CNTNAP2: variants seen among roughly 807,000 people sequenced by gnomAD.
CNTNAP2 encodes the protein contactin associated protein 2, also known as contactin-associated protein-like 2.
Under a neutral mutation model 155.2 loss-of-function variants are expected in CNTNAP2, and 98 were observed. The observed-to-expected ratio is 0.63, with a 90% confidence interval of 0.54 to 0.75. CNTNAP2 has a LOEUF of 0.75. Among genes scored for constraint, CNTNAP2 ranks in the 30% least tolerant of loss-of-function variants. CNTNAP2 has a pLI of 0.00. For synonymous variants in CNTNAP2, 651 were observed against 631.2 expected, an observed-to-expected ratio of 1.03 and a Z score of -0.47; for missense variants, 1,727 against 1,688.1, an observed-to-expected ratio of 1.02 and a Z score of -0.40.
At chr7:147,507,051 G>A (rs1303765066) in intron 11 of CNTNAP2, among the ~76,000 whole-genome samples, 1 of 152,242 alleles carries the variant, frequency 6.6e-6, no homozygotes, top group South Asian at 2.1e-4. Flanking sequence ...TGAAGTGGAT[G>A]TTCATGATCA....
chr7:146,665,013 A>G (rs1800165616), intron 1 of CNTNAP2, among the ~76,000 whole-genome samples: 1 of 152,122 alleles, frequency 6.6e-6, no homozygotes, highest in South Asian at 2.1e-4. Flanking sequence ...CAGTGGTCAG[A>G]TGTTGGCTCA....
intron 14 of CNTNAP2, among the ~76,000 whole-genome samples, chr7:147,936,157 A>G (rs1195926069): frequency 1.3e-5 from 2 of 152,352 alleles, no homozygotes; most frequent in East Asian, 1.9e-4. Context: ...GAGAACCTCT[A>G]TATTAGCAAC....
At chr7:147,093,146 CAGG>C (rs1443921030) in intron 4 of CNTNAP2, among the ~76,000 whole-genome samples, 1 of 147,040 alleles carries the variant, frequency 6.8e-6, no homozygotes, top group Non-Finnish European at 1.5e-5. Context: ...GAGGCTGAGG[CAGG>C]AGAATGGCGT....
chr7:147,644,782 A>G (rs532180220), intron 13 of CNTNAP2, among the ~76,000 whole-genome samples: 1 of 152,328 alleles, frequency 6.6e-6, no homozygotes, highest in African/African-American at 2.4e-5. Flanking sequence ...TGCTGCCATT[A>G]AAATGTTTAT....
chr7:146,666,672 C>A (rs995751459), intron 1 of CNTNAP2, among the ~76,000 whole-genome samples: 3 of 152,094 alleles, frequency 2.0e-5, no homozygotes, highest in African/African-American at 7.2e-5. Context: ...TACGTTTTGT[C>A]TTTTTGATAA....
intron 1 of CNTNAP2, among the ~76,000 whole-genome samples, chr7:146,312,418 T>TA (rs1800840451): frequency 6.6e-6 from 1 of 152,166 alleles, no homozygotes; most frequent in Non-Finnish European, 1.5e-5. Context: ...GGCGATTTTT[T>TA]ATGTGTGTAA....
At chr7:147,143,083 ACTC>A (rs1801632551) in intron 8 of CNTNAP2, among the ~76,000 whole-genome samples, 1 of 152,078 alleles carries the variant, frequency 6.6e-6, no homozygotes, top group Non-Finnish European at 1.5e-5. Flanking sequence ...TCATATCTGT[ACTC>A]CTAACGCCAC....
chr7:147,890,036 T>C (rs1309931129), intron 13 of CNTNAP2, among the ~76,000 whole-genome samples: 1 of 151,668 alleles, frequency 6.6e-6, no homozygotes, highest in Non-Finnish European at 1.5e-5. Context: ...AAAGACACTT[T>C]TACAAAAAAA....
At chr7:146,847,068 A>ACGTTGAACTCAATGCTAATTT (rs1562971381) in intron 3 of CNTNAP2, among the ~76,000 whole-genome samples, 2 of 151,872 alleles carry the variant, frequency 1.3e-5, no homozygotes, top group African/African-American at 2.4e-5. Context: ...AATTTTTTTT[A>ACGTTGAACTCAATGCTAATTT]TCGTGTCAAG....
rs564955414 is a variant in CNTNAP2 at position 147,816,156 on chromosome 7, G to T, written c.2099-87409G>T. Among the ~76,000 whole-genome samples, 3 of 152,278 alleles carry T rather than the reference G, an allele frequency of 2.0e-5. No individual in the cohort carries two copies. In the South Asian group the frequency reaches 6.2e-4, roughly 32 times the overall value. On this transcript the variant is annotated intron_variant, in intron 13 of 23. Transcript: ENST00000361727. Reference sequence around the variant, plus strand: ...AACAGAATTTCCCATCCACACAGGAGAAGTTCATCCTCTCCATTTTCTTAA... The same window carrying T: ...AACAGAATTTCCCATCCACACAGGATAAGTTCATCCTCTCCATTTTCTTAA...
At chr7:146,533,644 T>G (rs765674650) in intron 1 of CNTNAP2, among the ~76,000 whole-genome samples, 3 of 152,088 alleles carry the variant, frequency 2.0e-5, no homozygotes, top group Admixed American at 1.3e-4. Context: ...GAGTCAATCT[T>G]GAAATAAAAA....
intron 13 of CNTNAP2, among the ~76,000 whole-genome samples, chr7:147,680,039 A>T (rs1334959569): frequency 6.6e-6 from 1 of 151,538 alleles, no homozygotes; most frequent in Non-Finnish European, 1.5e-5. Flanking sequence ...TTAAACTGTG[A>T]TCTGTAACCT....
At chr7:147,522,505 T>C (rs1799245416) in intron 11 of CNTNAP2, among the ~76,000 whole-genome samples, 2 of 152,110 alleles carry the variant, frequency 1.3e-5, no homozygotes. Flanking sequence ...TTTAGAATTA[T>C]TACCAAAAGT....
intron 13 of CNTNAP2, among the ~76,000 whole-genome samples, chr7:147,714,321 A>C (rs2117019717): frequency 6.6e-6 from 1 of 152,228 alleles, no homozygotes; most frequent in Non-Finnish European, 1.5e-5. Context: ...CACATGATAA[A>C]GAGATAATTT....
intron 8 of CNTNAP2, among the ~76,000 whole-genome samples, chr7:147,139,834 T>A (rs1801558886): frequency 6.6e-6 from 1 of 152,070 alleles, no homozygotes; most frequent in African/African-American, 2.4e-5. Flanking sequence ...TTCATCAAGG[T>A]TTTTCACAAG....
intron 9 of CNTNAP2, among the ~76,000 whole-genome samples, chr7:147,320,937 A>G (rs1377206167): frequency 1.3e-5 from 2 of 152,224 alleles, no homozygotes; most frequent in African/African-American, 4.8e-5. Context: ...AAAGGGCACA[A>G]AACTTTGCAG....
At chr7:146,883,737 A>G (rs1795599974) in intron 3 of CNTNAP2, among the ~76,000 whole-genome samples, 1 of 152,188 alleles carries the variant, frequency 6.6e-6, no homozygotes, top group South Asian at 2.1e-4. Flanking sequence ...TTTAAAAATA[A>G]TGGCTCTAAA....
At chr7:146,303,288 C>G (rs1271312116) in intron 1 of CNTNAP2, among the ~76,000 whole-genome samples, 1 of 152,084 alleles carries the variant, frequency 6.6e-6, no homozygotes, top group African/African-American at 2.4e-5. Context: ...ATAATAAACA[C>G]TCATGTACCT....
chr7:146,474,992 AGCGCGCACGCGC>A (rs1682867751), intron 1 of CNTNAP2, among the ~76,000 whole-genome samples: 1 of 138,418 alleles, frequency 7.2e-6, no homozygotes, highest in Non-Finnish European at 1.5e-5. Context: ...CCTGAGCACG[AGCGCGCACGCGC>A]GCGCGCGCGC....
Sources: allele counts gnomAD v4.1 joint callset (sites outside exome capture counted in the v4.1 genomes callset), GRCh38; gene constraint gnomAD v4.1.1; transcripts MANE v1.5; gene names NCBI Gene and HGNC (gene_info 2026-07-23, HGNC 2026-07-21).